GALNT13: variants seen among roughly 807,000 people sequenced by gnomAD.
GALNT13 encodes the protein UDP-GalNAc:polypeptide N-acetylgalactosaminyltransferase 13.
Under a neutral mutation model 64.2 loss-of-function variants are expected in GALNT13, and 28 were observed. The observed-to-expected ratio is 0.44, with a 90% CI of 0.32 to 0.60. The LOEUF (loss-of-function observed/expected upper bound fraction) is 0.60, where lower values mean the gene tolerates loss of function less well. Among genes scored for constraint, GALNT13 ranks in the 20% least tolerant of loss-of-function variants. The pLI is 0.05. For synonymous variants in GALNT13, 214 were observed against 224.6 expected (o/e 0.95, Z 0.42); for missense variants, 577 against 669.8 (o/e 0.86, Z 1.53).
intron 4 of GALNT13, among the ~76,000 whole-genome samples, chr2:154,200,277 G>T (rs1430720131): frequency 1.3e-5 from 2 of 151,948 alleles, no homozygotes; most frequent in East Asian, 1.9e-4. Flanking sequence ...GATAAGAAAA[G>T]AATTTCAATA....
chr2:153,148,191 T>G, the GALNT13 span, among the ~76,000 whole-genome samples: 1 of 151,872 alleles, frequency 6.6e-6, no homozygotes, highest in Non-Finnish European at 1.5e-5. Flanking sequence ...TGCTTCATAT[T>G]TCATCTTTAA....
chr2:153,235,006 A>G, the GALNT13 span, among the ~76,000 whole-genome samples: 902 of 152,300 alleles, frequency 5.9e-3, 7 homozygotes, highest in African/African-American at 0.021. Context: ...TATATCTGCT[A>G]TGGTGATCTG....
intron 9 of GALNT13, among the ~76,000 whole-genome samples, chr2:154,393,045 T>C (rs1335363642): frequency 3.3e-5 from 5 of 152,186 alleles, no homozygotes; most frequent in South Asian, 2.1e-4. Flanking sequence ...ATGAAGAACC[T>C]TGGAGATGGA....
At chr2:153,108,548 G>A in the GALNT13 span, among the ~76,000 whole-genome samples, 2 of 152,084 alleles carry the variant, frequency 1.3e-5, no homozygotes, top group Non-Finnish European at 2.9e-5. Flanking sequence ...TTTTAATTTT[G>A]TATAGAACAT....
chr2:153,233,769 A>C, the GALNT13 span, among the ~76,000 whole-genome samples: 2 of 152,198 alleles, frequency 1.3e-5, no homozygotes, highest in Non-Finnish European at 2.9e-5. Context: ...GGCAGAAATG[A>C]ATCATCACCT....
At chr2:153,964,697 G>T (rs1322531435) in intron 3 of GALNT13, among the ~76,000 whole-genome samples, 1 of 151,514 alleles carries the variant, frequency 6.6e-6, no homozygotes, top group Non-Finnish European at 1.5e-5. Flanking sequence ...TTTCAAAAAA[G>T]TACTATTTAT....
the GALNT13 span, among the ~76,000 whole-genome samples, chr2:153,674,293 T>A: frequency 6.6e-6 from 1 of 152,184 alleles, no homozygotes; most frequent in Non-Finnish European, 1.5e-5. Flanking sequence ...GCTACCTGAC[T>A]TCAAATTATA....
At chr2:153,730,100 A>C in the GALNT13 span, among the ~76,000 whole-genome samples, 2 of 152,002 alleles carry the variant, frequency 1.3e-5, no homozygotes, top group Non-Finnish European at 2.9e-5. Context: ...TCTAAAATTC[A>C]TATGGAACCA....
the GALNT13 span, among the ~76,000 whole-genome samples, chr2:153,248,404 C>T: frequency 6.6e-6 from 1 of 152,070 alleles, no homozygotes; most frequent in Admixed American, 6.6e-5. Flanking sequence ...AAGGCTGGTT[C>T]AACATACACA....
chr2:154,176,436 T>A (rs1449013037), intron 4 of GALNT13, among the ~76,000 whole-genome samples: 1 of 151,800 alleles, frequency 6.6e-6, no homozygotes, highest in African/African-American at 2.4e-5. Context: ...GTATTTTTAG[T>A]AGAGACGGGG....
chr2:153,195,900 G>A, the GALNT13 span, among the ~76,000 whole-genome samples: 2 of 152,184 alleles, frequency 1.3e-5, no homozygotes, highest in Non-Finnish European at 2.9e-5. Context: ...GGTGTCCCAT[G>A]AGTGTTCAGC....
At chr2:153,875,424 CTT>C (rs1292915950) in intron 1 of GALNT13, among the ~76,000 whole-genome samples, 1 of 151,866 alleles carries the variant, frequency 6.6e-6, no homozygotes, top group Non-Finnish European at 1.5e-5. Context: ...TTTGAGAGAC[CTT>C]CTATTTGTTT....
At chr2:154,322,648 C>T (rs1694687528) in intron 9 of GALNT13, among the ~76,000 whole-genome samples, 1 of 152,088 alleles carries the variant, frequency 6.6e-6, no homozygotes, top group African/African-American at 2.4e-5. Context: ...GTCTTCAAAA[C>T]TAGTGGTAGT....
intron 9 of GALNT13, among the ~76,000 whole-genome samples, chr2:154,388,842 A>G (rs1698641647): frequency 6.6e-6 from 1 of 152,198 alleles, no homozygotes; most frequent in Non-Finnish European, 1.5e-5. Context: ...CTTAAACTGT[A>G]TATACTGGTC....
At chr2:153,620,650 G>T in the GALNT13 span, among the ~76,000 whole-genome samples, 1 of 151,774 alleles carries the variant, frequency 6.6e-6, no homozygotes, top group African/African-American at 2.4e-5. Context: ...TTATCTGATA[G>T]AATTGAATTC....
At chr2:153,281,614 A>G in the GALNT13 span, among the ~76,000 whole-genome samples, 1 of 152,170 alleles carries the variant, frequency 6.6e-6, no homozygotes, top group East Asian at 1.9e-4. Context: ...GTTCTTGCAA[A>G]TCTGGAAAAG....
intron 9 of GALNT13, among the ~76,000 whole-genome samples, chr2:154,371,427 A>G (rs531026787): frequency 6.6e-6 from 1 of 150,670 alleles, no homozygotes; most frequent in South Asian, 2.1e-4. Context: ...GTGACAGCAG[A>G]GGGGTGACCA....
intron 7 of GALNT13, among the ~76,000 whole-genome samples, chr2:154,247,597 C>T (rs563907187): frequency 5.9e-5 from 9 of 152,008 alleles, no homozygotes; most frequent in Non-Finnish European, 1.3e-4. Context: ...TAAGAAATTA[C>T]TGATCTCATT....
At chr2:154,292,417 A>G in intron 8 of GALNT13, among the ~76,000 whole-genome samples, 1 of 152,210 alleles carries the variant, frequency 6.6e-6, no homozygotes, top group East Asian at 1.9e-4. Context: ...TCCTCAATAA[A>G]TCACTCATTT....
Sources: gnomAD v4.1 joint callset for allele counts (sites outside exome capture counted in the v4.1 genomes callset) on GRCh38, gnomAD v4.1.1 for gene constraint, MANE v1.5 for transcripts, NCBI Gene and HGNC (gene_info 2026-07-23, HGNC 2026-07-21) for gene names.